ACCSL: variants seen among roughly 807,000 people sequenced by gnomAD.
ACCSL encodes the protein 1-aminocyclopropane-1-carboxylate synthase homolog (inactive) like, also known as probable inactive 1-aminocyclopropane-1-carboxylate synthase-like protein 2.
In ACCSL, 55 loss-of-function variants were observed where a neutral mutation model predicts 61.7. That is an observed-to-expected ratio of 0.89 (90% CI 0.72 to 1.12). The LOEUF is 1.12. Among genes scored for constraint, ACCSL ranks in the 50% most tolerant of loss-of-function variants. ACCSL has a pLI of 0.00. For missense variants in ACCSL, 632 were observed against 698.0 expected, an observed-to-expected ratio of 0.91 and a Z score of 1.07; for synonymous variants, 258 against 264.3, an observed-to-expected ratio of 0.98 and a Z score of 0.23.
chr11:43,938,447 A>C, the ACCSL span, among the ~76,000 whole-genome samples: 2 of 152,196 alleles, frequency 1.3e-5, no homozygotes, highest in Non-Finnish European at 2.9e-5. Flanking sequence ...GACCACATCC[A>C]AAGTTCCTTT....
the ACCSL span, among the ~76,000 whole-genome samples, chr11:44,037,871 GCATCCATCCATCCATC>G: frequency 6.7e-6 from 1 of 149,280 alleles, no homozygotes; most frequent in Non-Finnish European, 1.5e-5. Flanking sequence ...ATCCATCCAT[GCATCCATCCATCCATC>G]CATCCATCCA....
the ACCSL span, chr11:43,943,126 G>A: frequency 6.7e-7 from 1 of 1,502,420 alleles, no homozygotes; most frequent in Non-Finnish European, 8.9e-7. This position sits in a 1 kb window ranked among gnomAD's most constrained non-coding sequence, Gnocchi z 4.8. Flanking sequence ...TGTCCCCCAT[G>A]GAGGAGGAGA....
the ACCSL span, chr11:43,926,650 T>C: frequency 7.5e-5 from 24 of 318,140 alleles, no homozygotes; most frequent in African/African-American, 4.6e-4. Context: ...TTCTCCTTAC[T>C]ACAAAAGAGG....
chr11:43,969,202 A>G, the ACCSL span, among the ~76,000 whole-genome samples: 4 of 151,928 alleles, frequency 2.6e-5, no homozygotes, highest in Non-Finnish European at 5.9e-5. Flanking sequence ...AACAAAAACA[A>G]AAACAAAAAT....
chr11:44,012,795 G>A, the ACCSL span, among the ~76,000 whole-genome samples: 1 of 152,296 alleles, frequency 6.6e-6, no homozygotes, highest in South Asian at 2.1e-4. Context: ...TAAGGAAACG[G>A]CCTAATACAT....
At chr11:44,001,112 T>A in the ACCSL span, 1 of 152,164 alleles carries the variant, frequency 6.6e-6, no homozygotes, top group South Asian at 2.1e-4. Flanking sequence ...CTGTCCTAAC[T>A]ATGGGAGTCA....
rs1460707549 is a variant in ACCSL at position 44,048,298 on chromosome 11, A to G, written c.262A>G (p.Ser88Gly). ...CAACCTCCTACAGTCTGGGGCCGCGAGTGGCCTGGAGCTCCAAGTGCCTCT... is the reference window on the plus strand; with the variant it reads ...CAACCTCCTACAGTCTGGGGCCGCGGGTGGCCTGGAGCTCCAAGTGCCTCT... ...MINLLQSGAA[S>G]GLELQVPLPS... The change falls in exon 1 of 14, where the codon AGT becomes GGT. Residue 88 changes from serine to glycine, a missense_variant. Ser to Gly is a moderately conservative substitution (Grantham distance 56). Transcript: ENST00000378832. 1.2e-6 allele frequency: 2 copies of G among 1,614,034 alleles called. No homozygotes were observed. The highest frequency in any genetic ancestry group is 1.1e-5 in the South Asian group (1 of 91,054).
chr11:43,942,982 C>G, the ACCSL span: 15 of 1,503,550 alleles, frequency 1.0e-5, no homozygotes, highest in Non-Finnish European at 1.3e-5. Context: ...TGTGCCTGGC[C>G]GACGAGTTCC....
chr11:43,989,105 G>C, the ACCSL span, among the ~76,000 whole-genome samples: 1 of 152,146 alleles, frequency 6.6e-6, no homozygotes, highest in Non-Finnish European at 1.5e-5. Context: ...TAACAGTGGC[G>C]TTTAGGGCAT....
At chr11:43,939,662 G>A in the ACCSL span, among the ~76,000 whole-genome samples, 27 of 152,190 alleles carry the variant, frequency 1.8e-4, no homozygotes, top group African/African-American at 6.5e-4. Context: ...CAGGCTGGAA[G>A]GCAGTGTCGA....
the ACCSL span, among the ~76,000 whole-genome samples, chr11:44,001,339 C>T: frequency 1.5e-4 from 22 of 151,702 alleles, no homozygotes; most frequent in East Asian, 1.9e-4. Flanking sequence ...GCCCATCTCT[C>T]GGGGGTGGCT....
chr11:43,967,164 C>CTTT, the ACCSL span, among the ~76,000 whole-genome samples: 5 of 68,884 alleles, frequency 7.3e-5, no homozygotes, highest in African/African-American at 2.4e-4. Flanking sequence ...TCTTCTTCTT[C>CTTT]TTCTTTTTTT....
chr11:44,007,788 G>A, the ACCSL span, among the ~76,000 whole-genome samples: 5 of 152,226 alleles, frequency 3.3e-5, no homozygotes, highest in South Asian at 1.0e-3. Flanking sequence ...ATGAGACAAC[G>A]GAAGGATGAA....
the ACCSL span, among the ~76,000 whole-genome samples, chr11:43,946,324 C>T: frequency 4.6e-5 from 7 of 152,162 alleles, no homozygotes; most frequent in Non-Finnish European, 8.8e-5. Flanking sequence ...TCTTGAACTC[C>T]TGACCTCAAG....
chr11:44,008,301 G>A, the ACCSL span, among the ~76,000 whole-genome samples: 81 of 152,272 alleles, frequency 5.3e-4, no homozygotes, highest in African/African-American at 1.7e-3. Flanking sequence ...CCTGGGATGC[G>A]ACCAAATTGC....
At chr11:44,001,523 G>C in the ACCSL span, among the ~76,000 whole-genome samples, 1 of 152,032 alleles carries the variant, frequency 6.6e-6, no homozygotes, top group Non-Finnish European at 1.5e-5. Flanking sequence ...AGAGAAGATC[G>C]GGAGTCAGGT....
chr11:43,964,308 G>C, the ACCSL span, among the ~76,000 whole-genome samples: 1 of 151,848 alleles, frequency 6.6e-6, no homozygotes, highest in East Asian at 1.9e-4. Context: ...CCAGTGGTGG[G>C]CACCTGTAGT....
the ACCSL span, chr11:43,933,161 C>T: frequency 1.1e-5 from 5 of 456,234 alleles, no homozygotes; most frequent in Admixed American, 2.3e-5. Context: ...GTCCCTCAGG[C>T]TTGCTTTATG....
the ACCSL span, among the ~76,000 whole-genome samples, chr11:44,024,429 CTCTCTCTCTCTCTGTG>C: frequency 3.2e-5 from 2 of 63,072 alleles, no homozygotes; most frequent in Non-Finnish European, 6.4e-5. Context: ...CTCTCTTTCT[CTCTCTCTCTCTCTGTG>C]TGTGTGTGTG....
Sources: gnomAD v4.1 joint callset for allele counts (sites outside exome capture counted in the v4.1 genomes callset) on GRCh38, gnomAD v4.1.1 for gene constraint, Gnocchi (gnomAD v3.1) non-coding constraint, MANE v1.5 for transcripts, NCBI Gene and HGNC (gene_info 2026-07-23, HGNC 2026-07-21) for gene names.